The following TASP1 variants were observed in gnomAD, a reference collection of about 807,000 sequenced individuals.
TASP1 encodes the protein taspase 1, also known as threonine aspartase 1.
A neutral mutation model predicts 56.6 loss-of-function variants in TASP1; 16 were observed. The observed-to-expected ratio is 0.28, with a 90% CI of 0.19 to 0.43. The LOEUF is 0.43. Among genes scored for constraint, TASP1 ranks in the 20% least tolerant of loss-of-function variants. TASP1 has a pLI of 1.00. For missense variants in TASP1, 393 were observed against 511.6 expected (o/e 0.77, Z 2.24); for synonymous variants, 179 against 184.2 (o/e 0.97, Z 0.23).
At chr20:13,388,465 T>C (rs2041180421), downstream of TASP1, among the ~76,000 whole-genome samples, 1 of 152,196 alleles carries the variant, frequency 6.6e-6, no homozygotes, top group Admixed American at 6.5e-5. Flanking sequence ...TGTGCTCTTT[T>C]ATACTGGCCA....
intron 4 of TASP1, among the ~76,000 whole-genome samples, chr20:13,591,784 T>C (rs2047540705): frequency 6.6e-6 from 1 of 152,146 alleles, no homozygotes; most frequent in Non-Finnish European, 1.5e-5. Context: ...GTGCAAACTA[T>C]AGGGCACAAG....
rs374217781 is a variant in TASP1, at chr20:13,482,186, G to A, written c.985+1041C>T. On this transcript the variant is annotated intron_variant, in intron 11 of 13. Coordinates refer to ENST00000337743, the MANE Select transcript of TASP1 (RefSeq NM_017714.3). ...TTTGTTGAAGAGAGTTTTCCAGAGCGTATGTTCTTGACAACTTTGTGGAAC... is the reference window on the plus strand; with the variant it reads ...TTTGTTGAAGAGAGTTTTCCAGAGCATATGTTCTTGACAACTTTGTGGAAC... 1.6e-4 allele frequency among the ~76,000 whole-genome samples: 25 copies of A among 152,206 alleles called. No individual in the cohort carries two copies. The South Asian group carries it at 1.9e-3, about 11-fold the overall frequency.
At chr20:13,388,893 C>T (rs1276676904), downstream of TASP1, among the ~76,000 whole-genome samples, 1 of 152,188 alleles carries the variant, frequency 6.6e-6, no homozygotes, top group Non-Finnish European at 1.5e-5. Context: ...TATAATTTGG[C>T]CATACATTGA....
intron 11 of TASP1, among the ~76,000 whole-genome samples, chr20:13,442,872 C>T (rs1301201363): frequency 1.3e-5 from 2 of 151,874 alleles, no homozygotes; most frequent in African/African-American, 2.4e-5. Context: ...ACCATGGTGC[C>T]GGAAAAACAC....
At chr20:13,261,501 A>C in the TASP1 span, among the ~76,000 whole-genome samples, 1 of 152,112 alleles carries the variant, frequency 6.6e-6, no homozygotes, top group African/African-American at 2.4e-5. Flanking sequence ...TAGAGAAAAG[A>C]AGAATTTGTG....
the TASP1 span, among the ~76,000 whole-genome samples, chr20:13,258,090 AGCT>A: frequency 1.3e-5 from 2 of 152,124 alleles, no homozygotes; most frequent in Non-Finnish European, 2.9e-5. Flanking sequence ...GTGGTATTAT[AGCT>A]GCTATTTCTC....
At chr20:13,504,091 T>C (rs1237993926) in intron 10 of TASP1, among the ~76,000 whole-genome samples, 1 of 151,938 alleles carries the variant, frequency 6.6e-6, no homozygotes, top group Non-Finnish European at 1.5e-5. Context: ...GGCATCCAAA[T>C]ACAAGAAGCT....
intron 11 of TASP1, among the ~76,000 whole-genome samples, chr20:13,472,384 G>T (rs111814090): frequency 6.6e-6 from 1 of 151,024 alleles, no homozygotes; most frequent in African/African-American, 2.5e-5. Flanking sequence ...AAAAACCCTA[G>T]AAGAAAACCT....
chr20:13,480,007 A>G (rs973939481), intron 11 of TASP1, among the ~76,000 whole-genome samples: 2 of 152,362 alleles, frequency 1.3e-5, no homozygotes, highest in East Asian at 1.9e-4. Context: ...CCTTGCTTCT[A>G]GTCTAGTCCT....
At chr20:13,595,200 C>A (rs1225303413) in intron 4 of TASP1, among the ~76,000 whole-genome samples, 1 of 152,128 alleles carries the variant, frequency 6.6e-6, no homozygotes, top group East Asian at 1.9e-4. Flanking sequence ...ACCACCAGGC[C>A]TGCCTTACAA....
At chr20:13,109,845 G>C in the TASP1 span, among the ~76,000 whole-genome samples, 6 of 152,172 alleles carry the variant, frequency 3.9e-5, no homozygotes, top group South Asian at 2.1e-4. Context: ...GGCAGGCGGG[G>C]AGAGCCTTTA....
the TASP1 span, among the ~76,000 whole-genome samples, chr20:13,276,823 G>A: frequency 0.15 from 22,682 of 152,158 alleles, 2,324 homozygotes; most frequent in African/African-American, 0.29. Context: ...AGAAGTCATT[G>A]ATCACACTCA....
chr20:13,549,803 A>G (rs2045920161), intron 8 of TASP1, among the ~76,000 whole-genome samples: 1 of 151,980 alleles, frequency 6.6e-6, no homozygotes. Context: ...TTCCCTCTCC[A>G]TTGATTCCGT....
the TASP1 span, among the ~76,000 whole-genome samples, chr20:13,140,728 T>A: frequency 2.0e-5 from 3 of 152,236 alleles, no homozygotes; most frequent in Non-Finnish European, 4.4e-5. Context: ...CAAGGTCTTT[T>A]AAGTAACTAT....
intron 13 of TASP1, among the ~76,000 whole-genome samples, chr20:13,415,523 C>T (rs1436597895): frequency 6.6e-6 from 1 of 150,764 alleles, no homozygotes; most frequent in Admixed American, 6.6e-5. Flanking sequence ...ATTAACTCTC[C>T]TCAAGGAAGG....
At chr20:13,433,520 C>CAA (rs74746255) in intron 12 of TASP1, among the ~76,000 whole-genome samples, 1,124 of 89,000 alleles carry the variant, frequency 0.013, 36 homozygotes, top group African/African-American at 0.037. Context: ...GACAGTATGG[C>CAA]AAAAAAAAAA....
the TASP1 span, among the ~76,000 whole-genome samples, chr20:13,230,199 A>G: frequency 8.5e-5 from 13 of 152,190 alleles, no homozygotes; most frequent in Non-Finnish European, 1.8e-4. Context: ...TATGTCATAC[A>G]AGTGTTTTTT....
intron 12 of TASP1, among the ~76,000 whole-genome samples, chr20:13,432,354 G>A (rs1396463387): frequency 6.6e-6 from 1 of 152,156 alleles, no homozygotes; most frequent in Non-Finnish European, 1.5e-5. Context: ...GGTGTTTCCC[G>A]TGAGAATAAC....
chr20:13,404,417 G>C (rs1200758182), intron 13 of TASP1, among the ~76,000 whole-genome samples: 1 of 152,134 alleles, frequency 6.6e-6, no homozygotes, highest in Non-Finnish European at 1.5e-5. Flanking sequence ...ACGCCAGCCT[G>C]GGCAACATAG....
Sources: allele counts gnomAD v4.1 joint callset (sites outside exome capture counted in the v4.1 genomes callset), GRCh38; gene constraint gnomAD v4.1.1; transcripts MANE v1.5; gene names NCBI Gene and HGNC (gene_info 2026-07-23, HGNC 2026-07-21).